Variants in VTI1A observed in about 807,000 individuals in gnomAD.
The protein encoded by VTI1A is vesicle transport through interaction with t-SNAREs homolog 1A.
A neutral mutation model predicts 34.9 loss-of-function variants in VTI1A; 22 were observed. That is an observed-to-expected ratio of 0.63 (90% CI 0.45 to 0.90). The LOEUF (loss-of-function observed/expected upper bound fraction) is 0.90. VTI1A is among the 40% of genes least tolerant of loss of function. VTI1A has a pLI of 0.00. For synonymous variants in VTI1A, 87 were observed against 97.3 expected, an observed-to-expected ratio of 0.89 and a Z score of 0.62; for missense variants, 268 against 275.6, an observed-to-expected ratio of 0.97 and a Z score of 0.20.
At chr10:112,587,081 C>T (rs1844188129) in intron 5 of VTI1A, among the ~76,000 whole-genome samples, 1 of 151,998 alleles carries the variant, frequency 6.6e-6, no homozygotes, top group African/African-American at 2.4e-5. Flanking sequence ...TCAGTTGGGC[C>T]CTGACACTAT....
At chr10:112,779,860 A>G (rs895602283) in intron 7 of VTI1A, among the ~76,000 whole-genome samples, 1 of 152,202 alleles carries the variant, frequency 6.6e-6, no homozygotes, top group East Asian at 1.9e-4. Flanking sequence ...CATGCTCTTT[A>G]TAGCCACATT....
At chr10:112,842,593 A>G in the VTI1A span, among the ~76,000 whole-genome samples, 5 of 152,178 alleles carry the variant, frequency 3.3e-5, no homozygotes, top group Non-Finnish European at 7.3e-5. Context: ...GAAAAGAACC[A>G]AGCTGTTTCT....
chr10:112,576,068 C>G (rs1309824801), intron 5 of VTI1A, among the ~76,000 whole-genome samples: 1 of 145,570 alleles, frequency 6.9e-6, no homozygotes, highest in Non-Finnish European at 1.5e-5. Flanking sequence ...TCGCCCAGGC[C>G]GGACTGCAGT....
chr10:112,796,403 CAAAAA>C (rs34102399), intron 7 of VTI1A, among the ~76,000 whole-genome samples: 5 of 37,560 alleles, frequency 1.3e-4, no homozygotes, highest in African/African-American at 3.5e-4. Flanking sequence ...AAGACTCCGT[CAAAAA>C]AAAAAAAAAA....
intron 7 of VTI1A, among the ~76,000 whole-genome samples, chr10:112,720,171 A>G (rs1174008091): frequency 6.6e-6 from 1 of 152,242 alleles, no homozygotes; most frequent in Non-Finnish European, 1.5e-5. Context: ...TGTCATGGAC[A>G]TTTATGTACA....
chr10:112,723,876 A>G (rs974003250), intron 7 of VTI1A, among the ~76,000 whole-genome samples: 1 of 152,206 alleles, frequency 6.6e-6, no homozygotes, highest in Admixed American at 6.5e-5. Flanking sequence ...CATTATGTGC[A>G]TATTACAGGT....
At chr10:112,833,348 C>A in the VTI1A span, among the ~76,000 whole-genome samples, 1 of 152,002 alleles carries the variant, frequency 6.6e-6, no homozygotes, top group Non-Finnish European at 1.5e-5. Context: ...CAGTACCCTG[C>A]CTACTCCTTC....
intron 5 of VTI1A, among the ~76,000 whole-genome samples, chr10:112,586,213 T>C (rs565513422): frequency 2.0e-5 from 3 of 152,192 alleles, no homozygotes; most frequent in African/African-American, 7.2e-5. Flanking sequence ...CAACATTCTT[T>C]TTCGCAGCCA....
At chr10:112,451,896 C>T (rs1281012675) in intron 1 of VTI1A, among the ~76,000 whole-genome samples, 1 of 152,134 alleles carries the variant, frequency 6.6e-6, no homozygotes, top group Admixed American at 6.5e-5. Context: ...GTGGCTGTTG[C>T]TACATTGTGA....
In VTI1A at chr10:112,741,339, C is replaced by T. The variant is rs548708767; in HGVS notation, c.560+72341C>T. 1.1e-3 allele frequency among the ~76,000 whole-genome samples: 174 copies of T among 152,208 alleles called. 1 individual carries two copies. Among genetic ancestry groups the T allele is most frequent in the African/African-American group, 3.8e-3 (158 of 41,524 alleles). ...GCATGGTGGCACGCGCCTGTAATCC[C>T]AGCTACTCAGGAGGCTGAGGCAGGA... On this transcript the variant is annotated intron_variant, in intron 7 of 7. Transcript: ENST00000393077.
At chr10:112,775,126 C>T (rs1184654960) in intron 7 of VTI1A, among the ~76,000 whole-genome samples, 4 of 152,172 alleles carry the variant, frequency 2.6e-5, no homozygotes, top group Non-Finnish European at 1.5e-5. Context: ...CTAACACCTC[C>T]ACTGCCGAAT....
chr10:112,777,444 C>T (rs182342703), intron 7 of VTI1A, among the ~76,000 whole-genome samples: 6 of 152,128 alleles, frequency 3.9e-5, no homozygotes, highest in African/African-American at 7.2e-5. Context: ...GAGACAGCCA[C>T]GGAGCAGTGC....
At chr10:112,837,967 G>A in the VTI1A span, among the ~76,000 whole-genome samples, 2 of 152,204 alleles carry the variant, frequency 1.3e-5, no homozygotes, top group African/African-American at 4.8e-5. Context: ...ATCCTTAAAA[G>A]GGCCCTCTTA....
intron 5 of VTI1A, among the ~76,000 whole-genome samples, chr10:112,583,269 A>C (rs962653665): frequency 6.6e-6 from 1 of 152,214 alleles, no homozygotes; most frequent in East Asian, 1.9e-4. Flanking sequence ...TTAAGCCCGG[A>C]TAACAACTTC....
At chr10:112,704,099 G>A (rs797018168) in intron 7 of VTI1A, among the ~76,000 whole-genome samples, 3 of 152,182 alleles carry the variant, frequency 2.0e-5, no homozygotes, top group African/African-American at 7.2e-5. Flanking sequence ...TTACTTCATA[G>A]TTTCATAACT....
At chr10:112,827,885 T>C in the VTI1A span, among the ~76,000 whole-genome samples, 1 of 152,218 alleles carries the variant, frequency 6.6e-6, no homozygotes. Flanking sequence ...CTTGGAAAGA[T>C]AATATTCAAG....
At chr10:112,814,469 G>A (rs1014520903) in intron 7 of VTI1A, among the ~76,000 whole-genome samples, 3 of 152,074 alleles carry the variant, frequency 2.0e-5, no homozygotes, top group Non-Finnish European at 4.4e-5. Context: ...TCTTTTCTCC[G>A]AATGAGGTAA....
rs562943456 is a variant in VTI1A at position 112,645,420 on chromosome 10, C to T, written c.428-22798C>T. Among the ~76,000 whole-genome samples, 3 of 152,290 alleles carry T rather than the reference C, an allele frequency of 2.0e-5. No homozygotes were observed. The East Asian group carries it at 5.8e-4, about 29-fold the overall frequency. The stretch of plus-strand genomic sequence containing the variant: ...TAGACCAGTGCTGTGCAGGATTCTT[C>T]TTGGGGGAGAGCAGCTTCCCTAGCA... On this transcript the variant is annotated intron_variant, in intron 5 of 7. Transcript: ENST00000393077.
intron 5 of VTI1A, among the ~76,000 whole-genome samples, chr10:112,589,724 G>A (rs1646115994): frequency 6.6e-6 from 1 of 152,084 alleles, no homozygotes; most frequent in African/African-American, 2.4e-5. Context: ...CATTTATAGT[G>A]AAGAGACCAC....
Sources: allele counts gnomAD v4.1 joint callset (sites outside exome capture counted in the v4.1 genomes callset), GRCh38; gene constraint gnomAD v4.1.1; transcripts MANE v1.5; gene names NCBI Gene and HGNC (gene_info 2026-07-23, HGNC 2026-07-21).